ARHGAP5: variants seen among roughly 807,000 people sequenced by gnomAD.
ARHGAP5 encodes the protein rho GTPase-activating protein 5.
Under a neutral mutation model 116.6 loss-of-function variants are expected in ARHGAP5, and 23 were observed. The observed-to-expected ratio is 0.20, with a 90% CI of 0.14 to 0.28. The LOEUF (loss-of-function observed/expected upper bound fraction) is 0.28, where lower values mean the gene tolerates loss of function less well. Ranked by LOEUF, ARHGAP5 falls within the 10% of genes least tolerant of loss-of-function variation. The pLI is 1.00. For missense variants in ARHGAP5, 1,405 were observed against 1,774.8 expected, an observed-to-expected ratio of 0.79 and a Z score of 3.74; for synonymous variants, 574 against 602.0, an observed-to-expected ratio of 0.95 and a Z score of 0.68.
intron 2 of ARHGAP5, among the ~76,000 whole-genome samples, chr14:32,115,852 T>C (rs116323374): frequency 0.074 from 10,459 of 140,968 alleles, 1,185 homozygotes; most frequent in African/African-American, 0.25. Context: ...GTGGTGCATG[T>C]GGTGTGGTGG....
At chr14:32,096,063 T>C (rs1334352315) in intron 2 of ARHGAP5, among the ~76,000 whole-genome samples, 1 of 152,146 alleles carries the variant, frequency 6.6e-6, no homozygotes, top group Non-Finnish European at 1.5e-5. Flanking sequence ...ATTTGCCAAT[T>C]ATCTACATTT....
rs540855963 is a variant in ARHGAP5 at position 32,089,437 on chromosome 14, T to G, written c.-168-1065T>G. Among the ~76,000 whole-genome samples, 5 of 151,914 alleles carry G rather than the reference T, an allele frequency of 3.3e-5. No individual in the cohort carries two copies. In the East Asian group the frequency reaches 9.6e-4, roughly 29 times the overall value. ...CCTATCTTATGAAATTTGGAGGTGG[T>G]GGAAATGATGCAGTTCTTTTAATTT... On this transcript the variant is annotated intron_variant, in intron 1 of 6. Transcript: ENST00000345122.
At position 32,077,380 on chromosome 14, in the gene ARHGAP5, G is replaced by A. The variant is rs1158038313; in HGVS notation, c.-224G>A. 1 of 641,976 alleles carries A rather than the reference G, an allele frequency of 1.6e-6. No homozygotes were observed. Among genetic ancestry groups the A allele is most frequent in the Non-Finnish European group, 2.9e-6 (1 of 350,338 alleles). The allele number at this position is 641,976 out of a possible 1,614,324, so 39.8% of individuals were successfully genotyped here. A position where few individuals can be genotyped will look rare whatever the true frequency, so the allele number is the denominator to read the frequency against. ...GGTCCCCAGGAATGTCGCTGCCGCCGCCACCGCCGGGGCCGCTGCCGTTGA... is the reference window on the plus strand; with the variant it reads ...GGTCCCCAGGAATGTCGCTGCCGCCACCACCGCCGGGGCCGCTGCCGTTGA... On this transcript the variant is annotated 5_prime_UTR_variant, in exon 1 of 7. Transcript: ENST00000345122.
intron 3 of ARHGAP5, among the ~76,000 whole-genome samples, chr14:32,135,858 A>G (rs1006374700): frequency 9.9e-5 from 15 of 152,248 alleles, no homozygotes; most frequent in African/African-American, 2.7e-4. Context: ...TTAATTTTAC[A>G]TTACCAAATG....
chr14:32,136,901 T>A (rs551531568), intron 3 of ARHGAP5, among the ~76,000 whole-genome samples: 14 of 149,686 alleles, frequency 9.4e-5, no homozygotes, highest in African/African-American at 3.5e-4. Context: ...TTGGAGAAAT[T>A]TTTTTTTTTA....
Position 32,091,672 on chromosome 14 carries a change from A to G in ARHGAP5, c.1003A>G (p.Arg335Gly). ...TAAACAGGAACATATAAGAAAAAGGAGAGAAGAGTATATAAATACTTTACC... is the reference window on the plus strand; with the variant it reads ...TAAACAGGAACATATAAGAAAAAGGGGAGAAGAGTATATAAATACTTTACC... The part of the protein sequence containing the change: ...QLKQEHIRKR[R>G]EEYINTLPRA... Residue 335 changes from arginine to glycine, a missense_variant, in exon 2 of 7, where the codon AGA becomes GGA. By Grantham distance (125) the Arg-to-Gly change is moderately radical. Around this residue, in one of 6 missense-constraint regions of ARHGAP5, gnomAD observed 944 missense variants for 1,095.3 expected, o/e 0.86. Transcript: ENST00000345122. 1.2e-6 allele frequency: 2 copies of G among 1,609,492 alleles called. No homozygotes were observed. Among genetic ancestry groups the G allele is most frequent in the Non-Finnish European group, 1.7e-6 (2 of 1,178,536 alleles).
intron 2 of ARHGAP5, among the ~76,000 whole-genome samples, chr14:32,111,678 T>G (rs1033652522): frequency 6.6e-6 from 1 of 152,124 alleles, no homozygotes; most frequent in Non-Finnish European, 1.5e-5. Flanking sequence ...AAGAATGATA[T>G]AGCAGGAAAA....
At position 32,127,966 on chromosome 14, in the gene ARHGAP5, C is replaced by T. The variant is rs548721712; in HGVS notation, c.3865+10679C>T. Among the ~76,000 whole-genome samples, 363 of 149,374 alleles carry T rather than the reference C, an allele frequency of 2.4e-3. 2 individuals are homozygous for T. Among genetic ancestry groups the T allele is most frequent in the Middle Eastern group, 0.015 (4 of 260 alleles). On this transcript the variant is annotated intron_variant, in intron 3 of 6. Coordinates refer to ENST00000345122, the MANE Select transcript of ARHGAP5 (RefSeq NM_001030055.2). ...GCAGAGGTGCTCCCCACTTCCCAGACGGGGTGGCGGCCGGGCAGAGGCGCT... is the reference window on the plus strand; with the variant it reads ...GCAGAGGTGCTCCCCACTTCCCAGATGGGGTGGCGGCCGGGCAGAGGCGCT...
In ARHGAP5 at chr14:32,106,083, A is replaced by G. The variant is rs538707045; in HGVS notation, c.3718-11057A>G. Among the ~76,000 whole-genome samples the G allele has an allele frequency of 7.2e-5, 11 of 152,298 alleles. No homozygotes were observed. In the South Asian group the frequency reaches 8.3e-4, roughly 11 times the overall value. ...TGTCATGAACATTCGAATACAGGAT[A>G]AGAAACTGCCAAACTGTTTTCCAGA... On this transcript the variant is annotated intron_variant, in intron 2 of 6. Coordinates refer to ENST00000345122, the MANE Select transcript of ARHGAP5 (RefSeq NM_001030055.2).
chr14:32,140,086 G>GTTTTTTT (rs1566681639), intron 3 of ARHGAP5, among the ~76,000 whole-genome samples: 7 of 43,628 alleles, frequency 1.6e-4, no homozygotes, highest in African/African-American at 2.9e-4. Flanking sequence ...TTTTTTTTTA[G>GTTTTTTT]GTTATTTGTT....
At chr14:32,096,006 A>C (rs543321256) in intron 2 of ARHGAP5, among the ~76,000 whole-genome samples, 1 of 152,274 alleles carries the variant, frequency 6.6e-6, no homozygotes. Flanking sequence ...TGTAATTTCA[A>C]TGAAAGTTGG....
At chr14:32,122,767 A>G (rs1461609032) in intron 3 of ARHGAP5, among the ~76,000 whole-genome samples, 1 of 152,230 alleles carries the variant, frequency 6.6e-6, no homozygotes, top group Non-Finnish European at 1.5e-5. Flanking sequence ...TAAAAAGACT[A>G]TTCTACTGAA....
rs773359795 is a variant in ARHGAP5 at position 32,090,695 on chromosome 14, G to A, written c.26G>A (p.Arg9His). 1.8e-4 allele frequency: 293 copies of A among 1,606,576 alleles called. No individual in the cohort carries two copies. Among genetic ancestry groups the A allele is most frequent in the Non-Finnish European group, 2.4e-4 (278 of 1,177,564 alleles). MMAKNKEP[R>H]PPSYTISIVG... ...ATGATGGCAAAAAACAAAGAGCCTC[G>A]TCCCCCATCCTATACCATCAGTATA... Residue 9 changes from arginine to histidine, a missense_variant, in exon 2 of 7, where the codon CGT becomes CAT. Arg to His is a conservative substitution (Grantham distance 29, BLOSUM62 0). This residue lies in a region of ARHGAP5 where 190 missense variants were observed against 314.9 expected (regional missense o/e 0.60). Transcript: ENST00000345122.
At chr14:32,148,369 A>G (rs1389419086) in intron 4 of ARHGAP5, among the ~76,000 whole-genome samples, 2 of 152,120 alleles carry the variant, frequency 1.3e-5, no homozygotes, top group Non-Finnish European at 2.9e-5. Flanking sequence ...CACTGCCACT[A>G]TTTTTGTGCC....
chr14:32,081,026 A>T (rs898888452), intron 1 of ARHGAP5, among the ~76,000 whole-genome samples: 2 of 152,170 alleles, frequency 1.3e-5, no homozygotes, highest in African/African-American at 4.8e-5. Context: ...GTTAGATTAG[A>T]TTTAGCCTAT....
chr14:32,123,228 G>A (rs1176336309), intron 3 of ARHGAP5, among the ~76,000 whole-genome samples: 2 of 151,874 alleles, frequency 1.3e-5, no homozygotes, highest in Non-Finnish European at 2.9e-5. Context: ...GGTTTCTGGA[G>A]CATCTTAGCT....
chr14:32,109,339 A>G (rs1485247839), intron 2 of ARHGAP5, among the ~76,000 whole-genome samples: 1 of 151,992 alleles, frequency 6.6e-6, no homozygotes, highest in Non-Finnish European at 1.5e-5. Context: ...TGTACTTCAT[A>G]TTTTTATCTT....
At position 32,158,488 on chromosome 14, in the gene ARHGAP5, C is replaced by T. The variant is rs79332474; in HGVS notation, c.*3540C>T. ...GTTATAGCAGAGCTGCTAATATTAA[C>T]GAATATATTTGTGTCTTCATGGTTT... On this transcript the variant is annotated 3_prime_UTR_variant, in exon 7 of 7. Transcript: ENST00000345122. 1.3e-5 allele frequency: 2 copies of T among 152,002 alleles called. No individual in the cohort carries two copies. Among genetic ancestry groups the T allele is most frequent in the East Asian group, 1.9e-4 (1 of 5,184 alleles). The allele number at this position is 152,002 out of a possible 1,614,324, so 9.4% of individuals were successfully genotyped here. A position where few individuals can be genotyped will look rare whatever the true frequency, so the allele number is the denominator to read the frequency against.
chr14:32,140,090 A>ATTTT (rs1566681657), intron 3 of ARHGAP5, among the ~76,000 whole-genome samples: 1 of 44,302 alleles, frequency 2.3e-5, no homozygotes, highest in East Asian at 8.3e-4. Context: ...TTTTTAGGTT[A>ATTTT]TTTGTTCTTT....
Sources: allele counts gnomAD v4.1 joint callset (sites outside exome capture counted in the v4.1 genomes callset), GRCh38; gene constraint gnomAD v4.1.1; regional missense constraint gnomAD v4.1.1; transcripts MANE v1.5; gene names NCBI Gene and HGNC (gene_info 2026-07-23, HGNC 2026-07-21).